The following ST3GAL3 variants were observed in gnomAD, a reference collection of about 807,000 sequenced individuals.
ST3GAL3 encodes the protein ST3 beta-galactoside alpha-2,3-sialyltransferase 3, also known as CMP-N-acetylneuraminate-beta-1,4-galactoside alpha-2,3-sialyltransferase.
A neutral mutation model predicts 50.1 loss-of-function variants in ST3GAL3; 21 were observed. The ratio of observed to expected loss-of-function variants is 0.42; its 90% confidence interval spans 0.30 to 0.60. ST3GAL3 has a LOEUF of 0.60. ST3GAL3 is among the 20% of genes least tolerant of loss of function. The pLI, the probability that ST3GAL3 is intolerant of heterozygous loss-of-function variation, is 0.19. For missense variants in ST3GAL3, 353 were observed against 489.4 expected (o/e 0.72, Z 2.63); for synonymous variants, 183 against 190.0 (o/e 0.96, Z 0.30).
At chr1:43,799,636 C>G (rs1431416716) in intron 3 of ST3GAL3, 2 of 152,222 alleles carry the variant, frequency 1.3e-5, no homozygotes, top group Non-Finnish European at 2.9e-5. Flanking sequence ...GGCCCTACCT[C>G]TTAATACTAT....
chr1:43,769,088 G>A (rs953395931), intron 2 of ST3GAL3, among the ~76,000 whole-genome samples: 1 of 152,194 alleles, frequency 6.6e-6, no homozygotes. Flanking sequence ...CATGGTTGAT[G>A]TAACGTTAGA....
rs561947981 is a variant in ST3GAL3 at position 43,876,762 on chromosome 1, A to G, written c.303-17621A>G. ...ATTGCATGTGGATGGACGAATGTGA[A>G]AGAGGAATGCTGCAGCCCAGTAGTT... is the stretch of plus-strand genomic sequence containing the variant. On this transcript the variant is annotated intron_variant, in intron 5 of 11. Transcript: ENST00000347631. Among the ~76,000 whole-genome samples, 280 of 152,284 alleles carry G rather than the reference A, an allele frequency of 1.8e-3. 1 individual carries two copies. Among genetic ancestry groups the G allele is most frequent in the African/African-American group, 6.5e-3 (269 of 41,564 alleles).
intron 3 of ST3GAL3, among the ~76,000 whole-genome samples, chr1:43,807,899 G>T (rs2060087959): frequency 6.6e-6 from 1 of 152,156 alleles, no homozygotes. Context: ...CCAGAAAGAG[G>T]TTCTGGGTGT....
Position 43,807,564 on chromosome 1 carries a change from T to A in ST3GAL3, c.167-7327T>A, listed in dbSNP as rs551538708. The stretch of plus-strand genomic sequence containing the variant: ...AAATGTTTTAAGCAGGATTGTGATA[T>A]GGCCATATTTATCTTACAGAAAGAT... On this transcript the variant is annotated intron_variant, in intron 3 of 11. Coordinates refer to ENST00000347631, the MANE Select transcript of ST3GAL3 (RefSeq NM_006279.5). Among the ~76,000 whole-genome samples the A allele has an allele frequency of 1.3e-4, 20 of 152,326 alleles. 1 individual carries two copies. In the South Asian group the frequency reaches 3.7e-3, roughly 28 times the overall value.
At chr1:43,741,702 G>A (rs969645522) in intron 2 of ST3GAL3, among the ~76,000 whole-genome samples, 2 of 152,202 alleles carry the variant, frequency 1.3e-5, no homozygotes, top group Admixed American at 6.5e-5. Context: ...ATCAGAACTA[G>A]CCTCCTCTCT....
chr1:43,730,178 A>G (rs1411291705), intron 1 of ST3GAL3, among the ~76,000 whole-genome samples: 3 of 152,216 alleles, frequency 2.0e-5, no homozygotes. Context: ...GTTTTCCCTA[A>G]TGGAAAAGAC....
At chr1:43,819,855 G>A (rs2061862961) in intron 4 of ST3GAL3, among the ~76,000 whole-genome samples, 1 of 152,150 alleles carries the variant, frequency 6.6e-6, no homozygotes, top group South Asian at 2.1e-4. Context: ...CCATTTATAA[G>A]TGAGAACATG....
intron 11 of ST3GAL3, among the ~76,000 whole-genome samples, chr1:43,926,938 C>G (rs933693992): frequency 6.6e-6 from 1 of 152,186 alleles, no homozygotes; most frequent in Non-Finnish European, 1.5e-5. Flanking sequence ...CCACAGGCAT[C>G]AACAGGCGGC....
In ST3GAL3 at chr1:43,731,359, G is replaced by A. The variant is rs183811419; in HGVS notation, c.-30-4874G>A. 2.1e-4 allele frequency among the ~76,000 whole-genome samples: 32 copies of A among 149,934 alleles called. 1 individual carries two copies. Among genetic ancestry groups the A allele is most frequent in the African/African-American group, 7.6e-4 (31 of 40,778 alleles). On this transcript the variant is annotated intron_variant, in intron 1 of 11. Coordinates refer to ENST00000347631, the MANE Select transcript of ST3GAL3 (RefSeq NM_006279.5). ...CCCAAGTAGCTGGGACTACAGGTGC[G>A]TGCCACCGCACCCAGCTAATTTTTT...
chr1:43,891,975 G>T (rs1267898947), intron 5 of ST3GAL3, among the ~76,000 whole-genome samples: 1 of 152,090 alleles, frequency 6.6e-6, no homozygotes, highest in East Asian at 1.9e-4. Flanking sequence ...ATGGAGTCTC[G>T]CTCTGTCGCC....
rs550614361 is a variant in ST3GAL3 at position 43,838,243 on chromosome 1, C to T, written c.234C>T (p.Tyr78=). ...GGCCTGCTGAATTAGCCACCAAGTA[C>T]GCAAACTTTTCAGAGGGAGCTTGCA... ...SKLPAELATK[Y]ANFSEGACKP... is the part of the protein sequence containing the mutation. Residue 78 remains tyrosine, a synonymous_variant, in exon 5 of 12, where the codon TAC becomes TAT. Transcript: ENST00000347631. The T allele has an allele frequency of 5.5e-5, 89 of 1,613,740 alleles. No individual in the cohort carries two copies. In the South Asian group the frequency reaches 9.1e-4, roughly 17 times the overall value.
At chr1:43,708,176 T>C (rs1557939454) in intron 1 of ST3GAL3, 1 of 152,260 alleles carries the variant, frequency 6.6e-6, no homozygotes, top group Non-Finnish European at 1.5e-5. Context: ...TTCCTTTCCT[T>C]CTGGCACTTT....
At chr1:43,824,241 C>T (rs989900515) in intron 4 of ST3GAL3, among the ~76,000 whole-genome samples, 2 of 152,062 alleles carry the variant, frequency 1.3e-5, no homozygotes, top group African/African-American at 4.8e-5. Flanking sequence ...GTGGTGAGGA[C>T]TGTCAGGTGG....
At chr1:43,857,468 C>CTT (rs1178939293) in intron 5 of ST3GAL3, among the ~76,000 whole-genome samples, 1 of 135,594 alleles carries the variant, frequency 7.4e-6, no homozygotes, top group Non-Finnish European at 1.7e-5. Flanking sequence ...TGTGTATTTC[C>CTT]CTCCTTCCTT....
intron 1 of ST3GAL3, among the ~76,000 whole-genome samples, chr1:43,723,125 T>C (rs75352653): frequency 6.6e-6 from 1 of 151,780 alleles, no homozygotes; most frequent in East Asian, 1.9e-4. Context: ...TTTTTTTTTT[T>C]TGAGATGGAG....
intron 5 of ST3GAL3, among the ~76,000 whole-genome samples, chr1:43,845,108 C>T (rs972572158): frequency 1.3e-4 from 20 of 151,988 alleles, no homozygotes; most frequent in African/African-American, 4.8e-4. Context: ...CTCAGCCTCC[C>T]GAGTAGCTGG....
chr1:43,879,043 T>C (rs374150022), intron 5 of ST3GAL3: 52 of 455,698 alleles, frequency 1.1e-4, no homozygotes, highest in African/African-American at 8.8e-4. Flanking sequence ...CAAGAGAAGA[T>C]GACATGTTAG....
intron 1 of ST3GAL3, chr1:43,720,471 A>T (rs979661821): frequency 1.3e-5 from 2 of 152,194 alleles, no homozygotes; most frequent in Non-Finnish European, 2.9e-5. Flanking sequence ...TATTTCTTAC[A>T]GTTTTGGAGG....
At chr1:43,807,841 G>A (rs1467351748) in intron 3 of ST3GAL3, among the ~76,000 whole-genome samples, 1 of 152,238 alleles carries the variant, frequency 6.6e-6, no homozygotes, top group East Asian at 1.9e-4. Context: ...CAGGTTTCAA[G>A]TTTGGGCAGC....
Sources: allele counts gnomAD v4.1 joint callset (sites outside exome capture counted in the v4.1 genomes callset), GRCh38; gene constraint gnomAD v4.1.1; transcripts MANE v1.5; gene names NCBI Gene and HGNC (gene_info 2026-07-23, HGNC 2026-07-21).